DLGAP2: variants seen among roughly 807,000 people sequenced by gnomAD.
DLGAP2 encodes the protein DLG associated protein 2.
In DLGAP2, 26 loss-of-function variants were observed where a neutral mutation model predicts 100.3. The observed-to-expected ratio is 0.26, with a 90% CI of 0.19 to 0.36. The LOEUF (loss-of-function observed/expected upper bound fraction) is 0.36. Among genes scored for constraint, DLGAP2 ranks in the 10% least tolerant of loss-of-function variants. The pLI, the probability that DLGAP2 is intolerant of heterozygous loss-of-function variation, is 1.00. For missense variants in DLGAP2, 1,858 were observed against 1,453.2 expected, an observed-to-expected ratio of 1.28 and a Z score of -4.53; for synonymous variants, 886 against 630.1, an observed-to-expected ratio of 1.41 and a Z score of -6.08.
At chr8:1,306,190 T>TC (rs926404326) in intron 3 of DLGAP2, among the ~76,000 whole-genome samples, 4 of 150,412 alleles carry the variant, frequency 2.7e-5, no homozygotes, top group East Asian at 3.9e-4. Context: ...CTGTGAAGAT[T>TC]CCCCCCCACC....
At chr8:1,324,944 C>A (rs1199727807) in intron 3 of DLGAP2, among the ~76,000 whole-genome samples, 2 of 152,186 alleles carry the variant, frequency 1.3e-5, no homozygotes, top group Non-Finnish European at 2.9e-5. Context: ...CTCAGCCTTG[C>A]CCTGGAGGCA....
intron 1 of DLGAP2, among the ~76,000 whole-genome samples, chr8:852,437 G>T (rs1286175579): frequency 6.6e-6 from 1 of 152,176 alleles, no homozygotes; most frequent in Non-Finnish European, 1.5e-5. Context: ...AAACCATCAT[G>T]ATTCTTTTGT....
At chr8:1,696,364 G>A (rs57339039) in intron 13 of DLGAP2, among the ~76,000 whole-genome samples, 1 of 152,152 alleles carries the variant, frequency 6.6e-6, no homozygotes, top group Non-Finnish European at 1.5e-5. Flanking sequence ...GCTGGGTGTA[G>A]TGACCTATGC....
intron 2 of DLGAP2, among the ~76,000 whole-genome samples, chr8:1,122,911 AGT>A: frequency 6.6e-6 from 1 of 152,308 alleles, no homozygotes; most frequent in East Asian, 1.9e-4. Flanking sequence ...CTCTGGGAAG[AGT>A]GTGATACCAG....
intron 1 of DLGAP2, among the ~76,000 whole-genome samples, chr8:782,871 A>T (rs1392165258): frequency 2.0e-5 from 3 of 152,302 alleles, no homozygotes; most frequent in South Asian, 2.1e-4. Flanking sequence ...CTCAGTTGTC[A>T]GGTGACAGAA....
intron 5 of DLGAP2, among the ~76,000 whole-genome samples, chr8:1,559,676 A>G (rs1179563947): frequency 6.6e-6 from 1 of 152,244 alleles, no homozygotes. Flanking sequence ...AAAAAATCCC[A>G]TAAACCTGCC....
At chr8:809,464 T>TA (rs1015140354) in intron 1 of DLGAP2, among the ~76,000 whole-genome samples, 1 of 151,790 alleles carries the variant, frequency 6.6e-6, no homozygotes, top group African/African-American at 2.4e-5. Context: ...GCAGGTTTTT[T>TA]TTTTTTTGTG....
Position 1,076,815 on chromosome 8 carries a change from C to T in DLGAP2, c.73+168849C>T, listed in dbSNP as rs572386428. Reference sequence around the variant, plus strand: ...CCAAGAAGGTGGAGGAGGAGTCTGTCCCAGGCCCCCCCCCAAGACCAAGAG... The same window carrying T: ...CCAAGAAGGTGGAGGAGGAGTCTGTTCCAGGCCCCCCCCCAAGACCAAGAG... On this transcript the variant is annotated intron_variant, in intron 2 of 14. Coordinates refer to ENST00000637795, the MANE Select transcript of DLGAP2 (RefSeq NM_001346810.2). Among the ~76,000 whole-genome samples, 831 of 131,774 alleles carry T rather than the reference C, an allele frequency of 6.3e-3. 15 individuals are homozygous for T. Among genetic ancestry groups the T allele is most frequent in the African/African-American group, 0.021 (747 of 35,268 alleles). 86.4% of individuals were successfully genotyped at this position (131,774 alleles called of 152,430 possible). A position where few individuals can be genotyped will look rare whatever the true frequency, so the allele number is the denominator to read the frequency against.
chr8:1,462,052 G>T (rs1234295496), intron 3 of DLGAP2, among the ~76,000 whole-genome samples: 1 of 69,336 alleles, frequency 1.4e-5, no homozygotes, highest in Non-Finnish European at 2.5e-5. Flanking sequence ...CAGGAGGAGG[G>T]AGAAGGGCGG....
intron 2 of DLGAP2, among the ~76,000 whole-genome samples, chr8:995,467 T>C (rs1800758783): frequency 6.6e-6 from 1 of 152,224 alleles, no homozygotes. Flanking sequence ...CTCATTATGA[T>C]TTAATAGTTT....
At chr8:1,194,175 G>A (rs1314434825) in intron 2 of DLGAP2, among the ~76,000 whole-genome samples, 5 of 152,108 alleles carry the variant, frequency 3.3e-5, no homozygotes, top group Non-Finnish European at 7.4e-5. Context: ...GAATTTTAAA[G>A]AAGAAACTGC....
intron 2 of DLGAP2, among the ~76,000 whole-genome samples, chr8:961,214 G>A (rs1024929912): frequency 6.6e-6 from 1 of 152,164 alleles, no homozygotes. Context: ...ACAATATCAA[G>A]GCCACTGACT....
At chr8:1,268,936 G>A (rs1054188994) in intron 3 of DLGAP2, among the ~76,000 whole-genome samples, 5 of 152,144 alleles carry the variant, frequency 3.3e-5, no homozygotes, top group Admixed American at 3.3e-4. Context: ...CAACGGCAGT[G>A]GAACCCTCAG....
In DLGAP2 at chr8:1,370,636, C is replaced by G. The variant is rs147313868; in HGVS notation, c.106+111753C>G. Among the ~76,000 whole-genome samples the G allele has an allele frequency of 4.8e-3, 732 of 152,354 alleles. 3 individuals are homozygous for G. Among genetic ancestry groups the G allele is most frequent in the Middle Eastern group, 0.01 (3 of 294 alleles). On this transcript the variant is annotated intron_variant, in intron 3 of 14. Coordinates refer to ENST00000637795, the MANE Select transcript of DLGAP2 (RefSeq NM_001346810.2). ...TGCTACAGGGAGCACGGGGAGCTGTCACACCCAATGAGGATTAGAAGCCAT... is the reference window on the plus strand; with the variant it reads ...TGCTACAGGGAGCACGGGGAGCTGTGACACCCAATGAGGATTAGAAGCCAT...
In DLGAP2 at chr8:1,013,703, T is replaced by C. The variant is rs1324644258; in HGVS notation, c.73+105737T>C. 2.2e-3 allele frequency among the ~76,000 whole-genome samples: 152 copies of C among 68,462 alleles called. 4 individuals carry two copies. The highest frequency in any genetic ancestry group is 0.017 in the African/African-American group (145 of 8,648). The allele number at this position is 68,462 out of a possible 152,430, so 44.9% of individuals were successfully genotyped here. Reference sequence around the variant, plus strand: ...ACCAGGACAGACGATGCCTCCATTGTGTGTATGACCAGGACAGACGACGCC... The same window carrying C: ...ACCAGGACAGACGATGCCTCCATTGCGTGTATGACCAGGACAGACGACGCC... On this transcript the variant is annotated intron_variant, in intron 2 of 14. Transcript: ENST00000637795.
At chr8:788,087 G>T (rs1315730802) in intron 1 of DLGAP2, among the ~76,000 whole-genome samples, 1 of 152,206 alleles carries the variant, frequency 6.6e-6, no homozygotes, top group African/African-American at 2.4e-5. Flanking sequence ...TGGCAGCTAT[G>T]TTGGGTCTCC....
chr8:1,152,344 C>A (rs975444246), intron 2 of DLGAP2, among the ~76,000 whole-genome samples: 2 of 152,180 alleles, frequency 1.3e-5, no homozygotes, highest in African/African-American at 2.4e-5. Flanking sequence ...AAATTTCCCG[C>A]TAGAACTACC....
chr8:1,370,386 C>T (rs1585307726), intron 3 of DLGAP2, among the ~76,000 whole-genome samples: 1 of 152,162 alleles, frequency 6.6e-6, no homozygotes, highest in Admixed American at 6.5e-5. Context: ...CCTTAATACC[C>T]TCCAGGACTT....
rs1327835668 is a variant in DLGAP2, at chr8:1,163,339, C to T, written c.74-95512C>T. Among the ~76,000 whole-genome samples, 7 of 152,310 alleles carry T rather than the reference C, an allele frequency of 4.6e-5. No homozygotes were observed. The East Asian group carries it at 1.4e-3, about 30-fold the overall frequency. On this transcript the variant is annotated intron_variant, in intron 2 of 14. Transcript: ENST00000637795. ...ACCCCCTGCCTGCTGCCGGCCTTCC[C>T]GGGGTGTCGTGTTCCCTTCGCCTCC...
Sources: allele counts gnomAD v4.1 joint callset (sites outside exome capture counted in the v4.1 genomes callset), GRCh38; gene constraint gnomAD v4.1.1; transcripts MANE v1.5; gene names NCBI Gene and HGNC (gene_info 2026-07-23, HGNC 2026-07-21).